Variants in MYO3A observed in about 807,000 individuals in gnomAD.
MYO3A encodes the protein myosin IIIA, also known as myosin-IIIa.
Under a neutral mutation model 192.7 loss-of-function variants are expected in MYO3A, and 180 were observed. That is an observed-to-expected ratio of 0.93 (90% CI 0.83 to 1.06). MYO3A has a LOEUF of 1.06. MYO3A is among the 50% of genes least tolerant of loss of function. MYO3A has a pLI of 0.00. For missense variants in MYO3A, 1,896 were observed against 1,905.0 expected (o/e 1.00, Z 0.09); for synonymous variants, 628 against 645.3 (o/e 0.97, Z 0.41).
chr10:25,993,229 T>G (rs1254663245), intron 4 of MYO3A, among the ~76,000 whole-genome samples: 1 of 152,202 alleles, frequency 6.6e-6, no homozygotes, highest in African/African-American at 2.4e-5. Context: ...CTTCCTGGTT[T>G]AGACTTGGGA....
chr10:25,970,388 T>C lies in MYO3A; in HGVS notation c.303+15380T>C, dbSNP rs995370813. Among the ~76,000 whole-genome samples the C allele has an allele frequency of 2.0e-4, 30 of 151,970 alleles. 1 individual carries two copies. Among genetic ancestry groups the C allele is most frequent in the Admixed American group, 1.7e-3 (26 of 15,252 alleles). ...ATCAAAAGAAAAGTGTGAAAATATT[T>C]TGAATGGAATAATGGAAATGCAACA... On this transcript the variant is annotated intron_variant, in intron 4 of 34. Coordinates refer to ENST00000642920, the MANE Select transcript of MYO3A (RefSeq NM_017433.5).
intron 17 of MYO3A, among the ~76,000 whole-genome samples, chr10:26,106,069 C>T (rs1044294468): frequency 1.3e-5 from 2 of 152,000 alleles, no homozygotes; most frequent in Admixed American, 6.6e-5. Context: ...TTCCTGCTCT[C>T]GCTTTCTTCT....
intron 2 of MYO3A, among the ~76,000 whole-genome samples, chr10:25,941,443 G>A (rs1217770764): frequency 3.9e-5 from 6 of 152,158 alleles, no homozygotes; most frequent in Non-Finnish European, 8.8e-5. Flanking sequence ...ATACGGTTTT[G>A]AGATGTCGGT....
At chr10:25,982,882 A>G (rs1279273817) in intron 4 of MYO3A, among the ~76,000 whole-genome samples, 2 of 152,086 alleles carry the variant, frequency 1.3e-5, no homozygotes, top group Non-Finnish European at 2.9e-5. Context: ...CGACAAAACA[A>G]GATTCTTTAA....
intron 2 of MYO3A, among the ~76,000 whole-genome samples, chr10:25,945,581 A>C (rs186747828): frequency 7.7e-4 from 117 of 152,180 alleles, no homozygotes; most frequent in Non-Finnish European, 1.2e-3. Flanking sequence ...CTACTTGGCA[A>C]ATTGACCATT....
At chr10:26,058,321 A>T (rs796869144) in intron 10 of MYO3A, among the ~76,000 whole-genome samples, 3 of 152,044 alleles carry the variant, frequency 2.0e-5, no homozygotes, top group African/African-American at 7.2e-5. Flanking sequence ...TTGATAGCTC[A>T]TTGCCTTTTA....
chr10:26,187,489 C>CT (rs1045910884), intron 31 of MYO3A, among the ~76,000 whole-genome samples: 6 of 144,338 alleles, frequency 4.2e-5, no homozygotes, highest in African/African-American at 1.3e-4. Context: ...GTGTGTCTGT[C>CT]TTTTTTTTAT....
At chr10:26,132,335 T>C (rs2131777297) in intron 20 of MYO3A, among the ~76,000 whole-genome samples, 1 of 152,300 alleles carries the variant, frequency 6.6e-6, no homozygotes, top group South Asian at 2.1e-4. Context: ...GCTGTAGTGG[T>C]GGTTTTTGTC....
At chr10:25,976,406 A>G (rs1374145245) in intron 4 of MYO3A, among the ~76,000 whole-genome samples, 1 of 152,196 alleles carries the variant, frequency 6.6e-6, no homozygotes, top group Non-Finnish European at 1.5e-5. Flanking sequence ...GCCTTAAAAC[A>G]TTATTAGAAT....
intron 20 of MYO3A, among the ~76,000 whole-genome samples, chr10:26,131,338 C>G (rs1415772646): frequency 3.6e-5 from 4 of 111,594 alleles, no homozygotes; most frequent in Admixed American, 9.2e-5. Context: ...GATCAAGAAA[C>G]TACAGTAAAA....
intron 4 of MYO3A, among the ~76,000 whole-genome samples, chr10:25,956,766 G>C (rs1362220241): frequency 6.6e-6 from 1 of 151,792 alleles, no homozygotes; most frequent in Non-Finnish European, 1.5e-5. Context: ...TTAAGTACAG[G>C]AGTACATTTG....
At chr10:26,094,614 C>T (rs375438050) in intron 15 of MYO3A, among the ~76,000 whole-genome samples, 12 of 151,816 alleles carry the variant, frequency 7.9e-5, no homozygotes, top group Non-Finnish European at 1.5e-4. Context: ...TTAGTAGAGA[C>T]GGGGTTTCAC....
rs138593211 is a variant in MYO3A, at chr10:26,203,058, C to T, written c.4681C>T (p.Arg1561Ter). 104 of 1,613,614 alleles carry T rather than the reference C, an allele frequency of 6.4e-5. No individual in the cohort carries two copies. Among genetic ancestry groups the T allele is most frequent in the East Asian group, 5.6e-4 (25 of 44,814 alleles). ...PKEHSPSLRERRPQQELQNQC... is the reference protein window; with the variant it reads ...PKEHSPSLRE ...GGAACATAGCCCTAGTTTAAGAGAA[C>T]GAAGACCACAGCAAGAACTCCAGAA... Residue 1561 changes from arginine to a stop codon, truncating the protein, a stop_gained, in exon 34 of 35, where the codon CGA (arginine) becomes TGA (stop). Coordinates refer to ENST00000642920, the MANE Select transcript of MYO3A (RefSeq NM_017433.5). LOFTEE classifies it low-confidence loss of function (END_TRUNC).
At chr10:25,991,876 T>A (rs2130864968) in intron 4 of MYO3A, among the ~76,000 whole-genome samples, 1 of 152,236 alleles carries the variant, frequency 6.6e-6, no homozygotes, top group East Asian at 1.9e-4. Flanking sequence ...GGTCTATATC[T>A]CTGTTTTGGT....
chr10:26,052,830 G>GT lies in MYO3A; in HGVS notation c.954-14136dup, dbSNP rs1554814295. Among the ~76,000 whole-genome samples, 1,220 of 150,130 alleles carry GT rather than the reference G, an allele frequency of 8.1e-3. 5 individuals carry two copies. Among genetic ancestry groups the GT allele is most frequent in the African/African-American group, 0.015 (615 of 40,718 alleles). On this transcript the variant is annotated intron_variant, in intron 10 of 34. Transcript: ENST00000642920. Reference sequence around the variant, plus strand: ...AATTTAACATCAGGCAACAATAGTTGTTTTTTTTTCAATTTTTAGAGCAGA... The same window carrying GT: ...AATTTAACATCAGGCAACAATAGTTGTTTTTTTTTTCAATTTTTAGAGCAGA...
rs141824227 is a variant in MYO3A, at chr10:26,163,676, G to A, written c.3000-2391G>A. Among the ~76,000 whole-genome samples, 375 of 152,234 alleles carry A rather than the reference G, an allele frequency of 2.5e-3. 2 individuals are homozygous for A. The highest frequency in any genetic ancestry group is 7.1e-3 in the African/African-American group (294 of 41,540). On this transcript the variant is annotated intron_variant, in intron 26 of 34. Transcript: ENST00000642920. The stretch of plus-strand genomic sequence containing the variant: ...GAGGAAGGAAAAAGTGATGAATGTC[G>A]CTGAGTTTAAAGTTAACCAGGTGGG...
chr10:26,171,297 C>G (rs1226904971), intron 29 of MYO3A, among the ~76,000 whole-genome samples: 4 of 152,112 alleles, frequency 2.6e-5, no homozygotes, highest in Admixed American at 2.6e-4. Flanking sequence ...CAACCCTAGT[C>G]CCCTTGTTTT....
At chr10:26,057,147 G>C (rs1834161103) in intron 10 of MYO3A, among the ~76,000 whole-genome samples, 1 of 152,200 alleles carries the variant, frequency 6.6e-6, no homozygotes, top group African/African-American at 2.4e-5. Flanking sequence ...TTAGTGAGTT[G>C]AGGAGTGAAT....
At chr10:26,163,641 G>T (rs1301944040) in intron 26 of MYO3A, among the ~76,000 whole-genome samples, 9 of 152,156 alleles carry the variant, frequency 5.9e-5, no homozygotes, top group Non-Finnish European at 1.5e-5. Flanking sequence ...CATAGAGACA[G>T]GAAATGGAGG....
Sources: gnomAD v4.1 joint callset for allele counts (sites outside exome capture counted in the v4.1 genomes callset) on GRCh38, gnomAD v4.1.1 for gene constraint, MANE v1.5 for transcripts, NCBI Gene and HGNC (gene_info 2026-07-23, HGNC 2026-07-21) for gene names.